Variants in SNTG1 observed in about 807,000 individuals in gnomAD.
SNTG1 encodes the protein syntrophin gamma 1.
A neutral mutation model predicts 74.7 loss-of-function variants in SNTG1; 39 were observed. The ratio of observed to expected loss-of-function variants is 0.52; its 90% CI spans 0.40 to 0.68. The LOEUF is 0.68. SNTG1 is among the 30% of genes least tolerant of loss of function. SNTG1 has a pLI of 0.00. For missense variants in SNTG1, 685 were observed against 609.5 expected (o/e 1.12, Z -1.30); for synonymous variants, 254 against 217.1 (o/e 1.17, Z -1.49).
At chr8:50,783,364 C>T (rs1279475510) in intron 18 of SNTG1, among the ~76,000 whole-genome samples, 4 of 152,246 alleles carry the variant, frequency 2.6e-5, no homozygotes, top group Non-Finnish European at 5.9e-5. Flanking sequence ...TTTGAGCTTC[C>T]TGGCTGCTTT....
intron 9 of SNTG1, among the ~76,000 whole-genome samples, chr8:50,514,716 A>G (rs957219781): frequency 1.3e-5 from 2 of 152,154 alleles, no homozygotes; most frequent in Non-Finnish European, 2.9e-5. Flanking sequence ...TGTTGAGTGA[A>G]GTGTTCTGTA....
chr8:50,642,152 A>C (rs1295635555), intron 13 of SNTG1, among the ~76,000 whole-genome samples: 2 of 152,012 alleles, frequency 1.3e-5, no homozygotes, highest in Non-Finnish European at 2.9e-5. Flanking sequence ...AAGATCGAAA[A>C]CTTTCTATCA....
intron 14 of SNTG1, among the ~76,000 whole-genome samples, 162 bp from the exon 15 acceptor site, chr8:50,658,430 C>T (rs2131276632): frequency 6.6e-6 from 1 of 152,174 alleles, no homozygotes; most frequent in South Asian, 2.1e-4. Context: ...AAAGAGGAAA[C>T]AAAAGCATTA....
At chr8:50,598,349 T>C (rs1261380878) in intron 13 of SNTG1, among the ~76,000 whole-genome samples, 1 of 151,970 alleles carries the variant, frequency 6.6e-6, no homozygotes, top group East Asian at 1.9e-4. Context: ...GAAAAAACTG[T>C]TCTTTCCCTA....
At chr8:50,184,770 G>A (rs1488988612) in intron 2 of SNTG1, among the ~76,000 whole-genome samples, 1 of 152,000 alleles carries the variant, frequency 6.6e-6, no homozygotes, top group African/African-American at 2.4e-5. Context: ...ATAGATATTA[G>A]TGCCCCAAAT....
At chr8:50,128,796 T>C (rs781378354) in intron 1 of SNTG1, among the ~76,000 whole-genome samples, 1 of 152,146 alleles carries the variant, frequency 6.6e-6, no homozygotes, top group African/African-American at 2.4e-5. Flanking sequence ...AATGTTTGAA[T>C]AGAAAATTAT....
chr8:49,967,930 T>C (rs1811297009), intron 1 of SNTG1, among the ~76,000 whole-genome samples: 1 of 152,098 alleles, frequency 6.6e-6, no homozygotes, highest in African/African-American at 2.4e-5. Context: ...TCCCCAGGAC[T>C]GTGCACTTTT....
chr8:50,690,967 T>C (rs913254275), intron 15 of SNTG1, among the ~76,000 whole-genome samples: 3 of 152,240 alleles, frequency 2.0e-5, no homozygotes, highest in Non-Finnish European at 4.4e-5. Context: ...GATAGTTAGC[T>C]CTTCTTGTTG....
intron 12 of SNTG1, among the ~76,000 whole-genome samples, chr8:50,572,767 GTTAT>G (rs907252105): frequency 4.6e-5 from 7 of 152,024 alleles, no homozygotes; most frequent in African/African-American, 1.4e-4. Context: ...CACTAATGTC[GTTAT>G]TTGTCAAGTG....
intron 17 of SNTG1, among the ~76,000 whole-genome samples, chr8:50,726,321 G>T (rs768420194): frequency 6.6e-6 from 1 of 152,138 alleles, no homozygotes; most frequent in Non-Finnish European, 1.5e-5. Flanking sequence ...ACATATTTCA[G>T]CCAGTAGTGT....
At chr8:50,525,415 T>C (rs2130237552) in intron 9 of SNTG1, among the ~76,000 whole-genome samples, 1 of 152,334 alleles carries the variant, frequency 6.6e-6, no homozygotes, top group Non-Finnish European at 1.5e-5. Flanking sequence ...ATGTTCATTT[T>C]CTTCCCCAGA....
intron 8 of SNTG1, among the ~76,000 whole-genome samples, chr8:50,493,601 C>A (rs561639111): frequency 6.6e-6 from 1 of 152,004 alleles, no homozygotes; most frequent in East Asian, 1.9e-4. Context: ...AACATTTGAC[C>A]AGTAACTATG....
rs541668058 is a variant in SNTG1 at position 50,696,234 on chromosome 8, T to A, written c.1039-8366T>A. Among the ~76,000 whole-genome samples the A allele has an allele frequency of 8.5e-4, 129 of 152,246 alleles. 2 individuals are homozygous for A. In the South Asian group the frequency reaches 0.018, roughly 22 times the overall value. ...TATGATTGGTGATGTTGAGCATTTT[T>A]TCAAATGTCTGATGGTCACTTGTAT... On this transcript the variant is annotated intron_variant, in intron 15 of 18. Transcript: ENST00000642720.
intron 2 of SNTG1, among the ~76,000 whole-genome samples, chr8:50,228,319 A>G (rs1394707384): frequency 6.6e-6 from 1 of 152,024 alleles, no homozygotes; most frequent in Non-Finnish European, 1.5e-5. Context: ...ACATACAGGT[A>G]TGTGGACTAC....
chr8:50,240,926 T>G (rs1371164421), intron 2 of SNTG1, among the ~76,000 whole-genome samples: 1 of 152,160 alleles, frequency 6.6e-6, no homozygotes, highest in Admixed American at 6.5e-5. Flanking sequence ...TTTTCTGGAT[T>G]TTTTTTCCCT....
intron 1 of SNTG1, among the ~76,000 whole-genome samples, chr8:50,015,927 AC>A (rs1202565930): frequency 6.6e-6 from 1 of 152,140 alleles, no homozygotes; most frequent in Non-Finnish European, 1.5e-5. Flanking sequence ...AATTCATTCA[AC>A]TTTTGAAGCA....
chr8:50,491,027 A>G (rs2131880740), intron 8 of SNTG1: 2 of 153,264 alleles, frequency 1.3e-5, no homozygotes, highest in African/African-American at 4.8e-5. Context: ...TGGAAAAGCC[A>G]TGCTTGGAAA....
At chr8:50,600,686 T>G (rs1399459865) in intron 13 of SNTG1, among the ~76,000 whole-genome samples, 1 of 152,138 alleles carries the variant, frequency 6.6e-6, no homozygotes, top group African/African-American at 2.4e-5. Flanking sequence ...CTTTCTTTTT[T>G]TCTTAGTTTT....
chr8:50,493,494 C>T (rs974051437), intron 8 of SNTG1, among the ~76,000 whole-genome samples: 3 of 152,042 alleles, frequency 2.0e-5, no homozygotes, highest in Non-Finnish European at 4.4e-5. Flanking sequence ...ATTGGCAAAC[C>T]TTCAATTAGT....
Sources: allele counts gnomAD v4.1 joint callset (sites outside exome capture counted in the v4.1 genomes callset), GRCh38; gene constraint gnomAD v4.1.1; transcripts MANE v1.5; gene names NCBI Gene and HGNC (gene_info 2026-07-23, HGNC 2026-07-21).